SLC22A3: variants seen among roughly 807,000 people sequenced by gnomAD.
SLC22A3 encodes EMT organic cation transporter 3.
SLC22A3 carries 51 observed loss-of-function variants against 59.1 expected under a neutral mutation model. That is an observed-to-expected ratio of 0.86 (90% CI 0.69 to 1.09). SLC22A3 has a LOEUF of 1.09. SLC22A3 is among the 50% of genes least tolerant of loss of function. The pLI, the probability that SLC22A3 is intolerant of heterozygous loss-of-function variation, is 0.00. For missense variants in SLC22A3, 711 were observed against 726.3 expected (o/e 0.98, Z 0.24); for synonymous variants, 325 against 292.0 (o/e 1.11, Z -1.15).
chr6:160,438,254 G>C (rs186265542), intron 7 of SLC22A3, among the ~76,000 whole-genome samples: 1 of 152,198 alleles, frequency 6.6e-6, no homozygotes, highest in African/African-American at 2.4e-5. Flanking sequence ...CCTTACCCTA[G>C]AACACACCAG....
At chr6:160,363,546 TG>T (rs1047370404) in intron 1 of SLC22A3, among the ~76,000 whole-genome samples, 29 of 152,256 alleles carry the variant, frequency 1.9e-4, no homozygotes, top group African/African-American at 7.0e-4. Context: ...GAACGCTGGA[TG>T]GGGCTGGGTT....
intron 1 of SLC22A3, among the ~76,000 whole-genome samples, chr6:160,356,165 C>T (rs1784833477): frequency 6.6e-6 from 1 of 152,200 alleles, no homozygotes; most frequent in Non-Finnish European, 1.5e-5. Flanking sequence ...TTCCTGTTGA[C>T]TCCTAACGCC....
chr6:160,434,892 A>G (rs1317879602), intron 5 of SLC22A3, among the ~76,000 whole-genome samples: 1 of 152,242 alleles, frequency 6.6e-6, no homozygotes, highest in Non-Finnish European at 1.5e-5. Flanking sequence ...TCTCTCTAGC[A>G]CACGCACACA....
chr6:160,450,878 G>C, intron 10 of SLC22A3, 118 bp from the exon 11 acceptor site: 1 of 946,048 alleles, frequency 1.1e-6, no homozygotes, highest in Non-Finnish European at 1.7e-6. Context: ...TTACCTTAGA[G>C]TTGGGTTTTC....
intron 2 of SLC22A3, among the ~76,000 whole-genome samples, chr6:160,399,039 G>A (rs1786642929): frequency 6.6e-6 from 1 of 152,218 alleles, no homozygotes. Context: ...CCCATATCCT[G>A]TAGCCAATTG....
At chr6:160,441,192 C>G (rs1788523605) in intron 7 of SLC22A3, among the ~76,000 whole-genome samples, 1 of 152,110 alleles carries the variant, frequency 6.6e-6, no homozygotes, top group Non-Finnish European at 1.5e-5. Context: ...GGAGATGGTC[C>G]CATCGGGCTG....
intron 1 of SLC22A3, among the ~76,000 whole-genome samples, chr6:160,364,962 T>G (rs1334571676): frequency 6.6e-6 from 1 of 152,166 alleles, no homozygotes; most frequent in African/African-American, 2.4e-5. Flanking sequence ...TATTGCTTTA[T>G]ATCAATATAA....
intron 1 of SLC22A3, among the ~76,000 whole-genome samples, chr6:160,367,594 C>T (rs1258414514): frequency 7.9e-5 from 12 of 152,220 alleles, no homozygotes. Context: ...TCTGCCCTGA[C>T]AGGCCATGCT....
chr6:160,440,496 C>T (rs1788501488), intron 7 of SLC22A3, among the ~76,000 whole-genome samples: 1 of 152,140 alleles, frequency 6.6e-6, no homozygotes, highest in Admixed American at 6.5e-5. Context: ...TGACCAAATC[C>T]ACATTCAGAA....
chr6:160,388,261 A>G (rs1786102253), intron 1 of SLC22A3, among the ~76,000 whole-genome samples: 1 of 152,244 alleles, frequency 6.6e-6, no homozygotes, highest in Admixed American at 6.5e-5. Context: ...TTGGCTTCCT[A>G]GAAGGTGACC....
At chr6:160,403,629 G>A (rs889931295) in intron 2 of SLC22A3, among the ~76,000 whole-genome samples, 2 of 151,880 alleles carry the variant, frequency 1.3e-5, no homozygotes, top group East Asian at 3.9e-4. Flanking sequence ...ATGAACATAA[G>A]TGCAAAAATC....
intron 1 of SLC22A3, among the ~76,000 whole-genome samples, chr6:160,393,900 A>C (rs2114823768): frequency 6.6e-6 from 1 of 152,334 alleles, no homozygotes; most frequent in South Asian, 2.1e-4. Context: ...TCACTTGGAA[A>C]CCCTTCAAAA....
At chr6:160,381,193 A>G (rs2114795216) in intron 1 of SLC22A3, among the ~76,000 whole-genome samples, 1 of 152,306 alleles carries the variant, frequency 6.6e-6, no homozygotes, top group African/African-American at 2.4e-5. Context: ...CTAATACCAC[A>G]TGTAGGAGCT....
At chr6:160,383,803 A>T (rs75196359) in intron 1 of SLC22A3, among the ~76,000 whole-genome samples, 2,891 of 152,190 alleles carry the variant, frequency 0.019, 88 homozygotes, top group African/African-American at 0.057. Flanking sequence ...AGCAAAAAAA[A>T]ATATATAAAT....
At chr6:160,380,125 A>G (rs1007209525) in intron 1 of SLC22A3, among the ~76,000 whole-genome samples, 1 of 152,196 alleles carries the variant, frequency 6.6e-6, no homozygotes, top group Admixed American at 6.5e-5. Context: ...GACATTTCAC[A>G]AAAGAATCTG....
At chr6:160,356,877 A>G (rs1248558209) in intron 1 of SLC22A3, among the ~76,000 whole-genome samples, 1 of 152,214 alleles carries the variant, frequency 6.6e-6, no homozygotes, top group East Asian at 1.9e-4. Flanking sequence ...AAGGGTTACC[A>G]TGCTGTTATT....
rs796614765 is a variant in SLC22A3, at chr6:160,398,495, AT to A, written c.533+422del. On this transcript the variant is annotated intron_variant, in intron 2 of 10. Transcript: ENST00000275300. ...GCCTATTCCAAATTTGTTTCACCTA[AT>A]TTTTTTTTAAACGAAATCCTTGTAT... is the stretch of plus-strand genomic sequence containing the variant. 1.2e-3 allele frequency among the ~76,000 whole-genome samples: 175 copies of A among 151,790 alleles called. 1 individual carries two copies. The highest frequency in any genetic ancestry group is 3.5e-3 in the African/African-American group (144 of 41,392).
intron 5 of SLC22A3, among the ~76,000 whole-genome samples, chr6:160,417,163 A>T (rs1030105069): frequency 4.6e-5 from 7 of 152,196 alleles, no homozygotes; most frequent in Non-Finnish European, 8.8e-5. Flanking sequence ...TGGCCACCTG[A>T]CTTGATTGCG....
At chr6:160,372,043 TGTTTAA>T (rs1785417183) in intron 1 of SLC22A3, among the ~76,000 whole-genome samples, 1 of 148,726 alleles carries the variant, frequency 6.7e-6, no homozygotes, top group African/African-American at 2.6e-5. Flanking sequence ...CTTGTAAATT[TGTTTAA>T]GTTTGTTTAC....
Sources: gnomAD v4.1 joint callset for allele counts (sites outside exome capture counted in the v4.1 genomes callset) on GRCh38, gnomAD v4.1.1 for gene constraint, MANE v1.5 for transcripts, NCBI Gene and HGNC (gene_info 2026-07-23, HGNC 2026-07-21) for gene names.